S100Z: variants seen among roughly 807,000 people sequenced by gnomAD.
The protein encoded by S100Z is protein S100-Z.
Under a neutral mutation model 8.5 loss-of-function variants are expected in S100Z, and 11 were observed. The ratio of observed to expected loss-of-function variants is 1.30; its 90% confidence interval spans 0.82 to 2.15. The LOEUF (loss-of-function observed/expected upper bound fraction) is 2.15. S100Z is among the 30% of genes most tolerant of loss of function. The probability of loss-of-function intolerance (pLI) is 0.00; values close to 1 mark genes in which losing one functional copy is unlikely to be tolerated. For missense variants in S100Z, 126 were observed against 117.9 expected (o/e 1.07, Z -0.32); for synonymous variants, 34 against 43.8 (o/e 0.78, Z 0.89).
intron 4 of S100Z, among the ~76,000 whole-genome samples, chr5:76,913,234 CA>C (rs1427613635): frequency 6.6e-6 from 1 of 152,218 alleles, no homozygotes; most frequent in Non-Finnish European, 1.5e-5. Flanking sequence ...GGTTTCCTAA[CA>C]GGGGATCTAA....
Position 76,917,834 on chromosome 5 carries a change from A to AAG in S100Z, c.*3-2882_*3-2881insGA, listed in dbSNP as rs1238278705. On this transcript the variant is annotated intron_variant, in intron 4 of 4. Transcript: ENST00000317593. ...CAAGACTGTCTCAAAAAAAAAAAAAAAAATCAGAAATTGAATACCAAGGTC... is the reference window on the plus strand; with the variant it reads ...CAAGACTGTCTCAAAAAAAAAAAAAAAGAAATCAGAAATTGAATACCAAGGTC... Among the ~76,000 whole-genome samples, 6 of 151,922 alleles carry AAG rather than the reference A, an allele frequency of 3.9e-5. 1 individual carries two copies. Among genetic ancestry groups the AAG allele is most frequent in the Non-Finnish European group, 8.8e-5 (6 of 67,988 alleles).
the S100Z span, among the ~76,000 whole-genome samples, chr5:76,940,155 C>CAAA: frequency 1.5e-4 from 18 of 116,798 alleles, no homozygotes; most frequent in African/African-American, 4.3e-4. Flanking sequence ...GACTCCATCT[C>CAAA]AAAAAAAAAA....
At chr5:76,856,558 A>G (rs1186181242) in intron 1 of S100Z, among the ~76,000 whole-genome samples, 1 of 152,266 alleles carries the variant, frequency 6.6e-6, no homozygotes, top group Non-Finnish European at 1.5e-5. Flanking sequence ...TGGTGTAAGA[A>G]CAGACTAATA....
chr5:76,874,478 G>T (rs762178375), intron 2 of S100Z, among the ~76,000 whole-genome samples: 1 of 152,072 alleles, frequency 6.6e-6, no homozygotes, highest in Non-Finnish European at 1.5e-5. Flanking sequence ...GACCCTTGGG[G>T]CAGCAGCTCA....
At chr5:76,937,964 C>T in the S100Z span, among the ~76,000 whole-genome samples, 112,719 of 151,720 alleles carry the variant, frequency 0.74, 42,491 homozygotes, top group East Asian at 0.93. Context: ...TCATGCACGG[C>T]GGTGCATGCC....
At chr5:76,952,864 C>A in the S100Z span, 1 of 477,554 alleles carries the variant, frequency 2.1e-6, no homozygotes, top group Non-Finnish European at 3.8e-6. Context: ...TGAAATCATT[C>A]TTGGTGAATA....
intron 1 of S100Z, among the ~76,000 whole-genome samples, chr5:76,868,862 G>C (rs1460061440): frequency 6.6e-6 from 1 of 152,092 alleles, no homozygotes; most frequent in Non-Finnish European, 1.5e-5. Context: ...GACCTCAAGT[G>C]ATCTACCCGC....
chr5:76,948,830 C>G, the S100Z span: 1 of 152,112 alleles, frequency 6.6e-6, no homozygotes, highest in African/African-American at 2.4e-5. Flanking sequence ...TTCCCCTTGA[C>G]AAGAGGAACA....
At chr5:76,910,850 C>T (rs1272297113) in intron 4 of S100Z, among the ~76,000 whole-genome samples, 2 of 152,204 alleles carry the variant, frequency 1.3e-5, no homozygotes, top group East Asian at 1.9e-4. Flanking sequence ...CGTTACCATC[C>T]GAGGAATCCT....
At chr5:76,875,831 G>C (rs938101398) in intron 3 of S100Z, among the ~76,000 whole-genome samples, 1 of 152,116 alleles carries the variant, frequency 6.6e-6, no homozygotes, top group African/African-American at 2.4e-5. Flanking sequence ...GTTATACCTG[G>C]AGCTTGGTCC....
At chr5:76,907,007 TATATATATATATATATAC>T (rs1268099306) in intron 4 of S100Z, among the ~76,000 whole-genome samples, 4 of 17,610 alleles carry the variant, frequency 2.3e-4, no homozygotes, top group African/African-American at 8.5e-4. Context: ...TATATATATA[TATATATATATATATATAC>T]ATATATATAT....
At chr5:76,855,281 C>T (rs149172543) in intron 1 of S100Z, among the ~76,000 whole-genome samples, 425 of 152,294 alleles carry the variant, frequency 2.8e-3, no homozygotes, top group African/African-American at 9.9e-3. Context: ...CTCCAGACCC[C>T]AGAATGGTAA....
At chr5:76,889,527 A>G (rs1743785193) in intron 4 of S100Z, among the ~76,000 whole-genome samples, 1 of 152,384 alleles carries the variant, frequency 6.6e-6, no homozygotes, top group Admixed American at 6.5e-5. Context: ...AAACATGAAA[A>G]GTAAATCCAG....
intron 2 of S100Z, among the ~76,000 whole-genome samples, chr5:76,873,741 G>C (rs1743088056): frequency 6.6e-6 from 1 of 152,146 alleles, no homozygotes; most frequent in African/African-American, 2.4e-5. Context: ...TTGTTGAAGG[G>C]AAATAAAAAG....
At chr5:76,889,298 G>C (rs559212426) in intron 4 of S100Z, among the ~76,000 whole-genome samples, 14 of 152,056 alleles carry the variant, frequency 9.2e-5, no homozygotes, top group African/African-American at 3.4e-4. Flanking sequence ...CTAATTCAAC[G>C]TAAGACAAGA....
intron 4 of S100Z, among the ~76,000 whole-genome samples, chr5:76,899,460 A>G (rs1225641860): frequency 7.3e-6 from 1 of 137,484 alleles, no homozygotes; most frequent in Non-Finnish European, 1.6e-5. Context: ...TAGTGAAGTG[A>G]TTTTCTCTGG....
chr5:76,947,459 T>C, the S100Z span, among the ~76,000 whole-genome samples: 4 of 152,214 alleles, frequency 2.6e-5, no homozygotes, highest in African/African-American at 9.7e-5. Flanking sequence ...ATCTTATCTA[T>C]TAAAAACAGT....
At chr5:76,940,893 T>G in the S100Z span, among the ~76,000 whole-genome samples, 2 of 152,172 alleles carry the variant, frequency 1.3e-5, no homozygotes, top group Non-Finnish European at 2.9e-5. Flanking sequence ...CTTTTCTTGT[T>G]TTTGATGATC....
chr5:76,859,768 C>CAAAAAAAAAAAAAAAAA (rs70982653), intron 1 of S100Z, among the ~76,000 whole-genome samples: 49 of 97,636 alleles, frequency 5.0e-4, no homozygotes, highest in Non-Finnish European at 7.0e-4. Context: ...GCAACAGAGC[C>CAAAAAAAAAAAAAAAAA]AAAAAAAAAA....
Sources: gnomAD v4.1 joint callset for allele counts (sites outside exome capture counted in the v4.1 genomes callset) on GRCh38, gnomAD v4.1.1 for gene constraint, MANE v1.5 for transcripts, NCBI Gene and HGNC (gene_info 2026-07-23, HGNC 2026-07-21) for gene names.